MILR1: variants seen among roughly 807,000 people sequenced by gnomAD.
MILR1 encodes the protein mast cell immunoglobulin like receptor 1.
In MILR1, 31 loss-of-function variants were observed where a neutral mutation model predicts 18.5. The ratio of observed to expected loss-of-function variants is 1.68; its 90% CI spans 1.26 to 2.26. The LOEUF is 2.26. MILR1 is among the 30% of genes most tolerant of loss of function. The pLI, the probability that MILR1 is intolerant of heterozygous loss-of-function variation, is 0.00. For synonymous variants in MILR1, 85 were observed against 56.2 expected, an observed-to-expected ratio of 1.51 and a Z score of -2.30; for missense variants, 257 against 157.4, an observed-to-expected ratio of 1.63 and a Z score of -3.38.
intron 5 of MILR1, 138 bp downstream of exon 5, chr17:64,461,070 A>G (rs2037421078): frequency 5.4e-6 from 2 of 368,234 alleles, no homozygotes; most frequent in African/African-American, 2.1e-5. Flanking sequence ...AAAACATGAG[A>G]AAGGGGGGCG....
At position 64,458,112 on chromosome 17, in the gene MILR1, T is replaced by TTTCCTTCC. The variant is rs1216586374; in HGVS notation, c.652+444_652+451dup. ...CATTTGTATGTCTGCCTTTCTTTCT[T>TTTCCTTCC]TTCCTTCCTTCCTTCCTTCCTTCTT... On this transcript the variant is annotated intron_variant, in intron 4 of 9. Coordinates refer to ENST00000619286, the MANE Select transcript of MILR1 (RefSeq NM_001085423.2). Among the ~76,000 whole-genome samples the TTTCCTTCC allele has an allele frequency of 5.1e-3, 774 of 150,956 alleles. 5 individuals carry two copies. The highest frequency in any genetic ancestry group is 0.018 in the African/African-American group (721 of 40,428).
chr17:64,465,661 T>C lies in MILR1; in HGVS notation c.853+120T>C, dbSNP rs559014374. The C allele has an allele frequency of 3.3e-3, 3,180 of 976,660 alleles. 12 individuals are homozygous for C. The highest frequency in any genetic ancestry group is 4.3e-3 in the Non-Finnish European group (2,825 of 655,520). The allele number at this position is 976,660 out of a possible 1,614,324, so 60.5% of individuals were successfully genotyped here. A position where few individuals can be genotyped will look rare whatever the true frequency, so the allele number is the denominator to read the frequency against. ...CAAAAGGGATAGAGTTCAATGTCTA[T>C]TGATGCCCAGTCCCACTTTCTAGGG... On this transcript the variant is annotated intron_variant, in intron 6 of 9. Coordinates refer to ENST00000619286, the MANE Select transcript of MILR1 (RefSeq NM_001085423.2).
chr17:64,485,772 G>C, the MILR1 span: 12 of 1,612,736 alleles, frequency 7.4e-6, no homozygotes, highest in Non-Finnish European at 9.3e-6. Context: ...TTCTCTGTCA[G>C]CTGGAAAGAA....
the MILR1 span, among the ~76,000 whole-genome samples, chr17:64,475,808 C>CT: frequency 0.016 from 1,615 of 102,500 alleles, 21 homozygotes; most frequent in Non-Finnish European, 0.022. Flanking sequence ...CTACCACTTC[C>CT]TTTTTTTTTT....
chr17:64,453,023 T>A (rs906691822), intron 3 of MILR1, among the ~76,000 whole-genome samples, 157 bp downstream of exon 3: 2 of 152,014 alleles, frequency 1.3e-5, no homozygotes, highest in African/African-American at 2.4e-5. Context: ...TTTTTAGACC[T>A]GGTCAACAGG....
the MILR1 span, chr17:64,480,374 A>G: frequency 7.7e-6 from 12 of 1,567,500 alleles, no homozygotes; most frequent in South Asian, 2.2e-5. Context: ...AACTCATTAA[A>G]TAGCCCTTGA....
At chr17:64,456,007 C>T (rs2037292019) in intron 3 of MILR1, among the ~76,000 whole-genome samples, 2 of 152,086 alleles carry the variant, frequency 1.3e-5, no homozygotes, top group African/African-American at 2.4e-5. Flanking sequence ...TGGCACTGCA[C>T]TCCAGGTTGG....
At chr17:64,480,761 G>T in the MILR1 span, among the ~76,000 whole-genome samples, 2 of 152,134 alleles carry the variant, frequency 1.3e-5, no homozygotes, top group African/African-American at 4.8e-5. Flanking sequence ...CATCTGAGAG[G>T]TGAGACCTGA....
At chr17:64,472,665 T>G (rs1228349251), downstream of MILR1, among the ~76,000 whole-genome samples, 2 of 152,014 alleles carry the variant, frequency 1.3e-5, no homozygotes, top group African/African-American at 4.8e-5. Context: ...GTGCTACAAT[T>G]GCCTAGTGTT....
intron 3 of MILR1, among the ~76,000 whole-genome samples, chr17:64,454,269 G>C (rs1251043781): frequency 6.6e-6 from 1 of 152,074 alleles, no homozygotes; most frequent in Non-Finnish European, 1.5e-5. Flanking sequence ...CCAGGCTGGA[G>C]TGCAGAGGCT....
chr17:64,454,209 G>A (rs11650911), intron 3 of MILR1, among the ~76,000 whole-genome samples: 47,084 of 150,902 alleles, frequency 0.31, 8,563 homozygotes, highest in Middle Eastern at 0.57. Context: ...GATTACAGGC[G>A]TGTGCCACTG....
intron 4 of MILR1, among the ~76,000 whole-genome samples, chr17:64,459,946 T>G (rs2037385176): frequency 6.6e-6 from 1 of 151,988 alleles, no homozygotes; most frequent in Non-Finnish European, 1.5e-5. Context: ...GTGGAAGATG[T>G]GCTTGGTCAT....
At chr17:64,483,017 G>A in the MILR1 span, 1 of 1,376,972 alleles carries the variant, frequency 7.3e-7, no homozygotes, top group Non-Finnish European at 1.0e-6. Context: ...AATTAAATGG[G>A]GGAGGGAGAA....
Position 64,449,310 on chromosome 17 carries a change from T to G in MILR1, c.56-4T>G, listed in dbSNP as rs1164759279. On this transcript the variant is annotated splice_region_variant and splice_polypyrimidine_tract_variant and intron_variant, in intron 1 of 9. Transcript: ENST00000619286. ...AGCTTTATCGTGTTCCTTTTCTGTT[T>G]CAGGTAGAAAAGCTGTATTGGATTG... is the stretch of plus-strand genomic sequence containing the variant. 1 of 473,722 alleles carries G rather than the reference T, an allele frequency of 2.1e-6. No homozygotes were observed. The highest frequency in any genetic ancestry group is 2.0e-5 in the African/African-American group (1 of 50,494). The allele number at this position is 473,722 out of a possible 1,614,324, so 29.3% of individuals were successfully genotyped here. A position where few individuals can be genotyped will look rare whatever the true frequency, so the allele number is the denominator to read the frequency against.
At chr17:64,484,006 A>C in the MILR1 span, 1 of 152,282 alleles carries the variant, frequency 6.6e-6, no homozygotes, top group Non-Finnish European at 1.5e-5. Context: ...TGAGCCATTC[A>C]GCCCAGCCTT....
chr17:64,493,110 G>T, the MILR1 span: 1 of 1,340,748 alleles, frequency 7.5e-7, no homozygotes, highest in Non-Finnish European at 1.1e-6. Flanking sequence ...TAGTAATAAC[G>T]TTAACACAGC....
intron 2 of MILR1, among the ~76,000 whole-genome samples, 173 bp downstream of exon 2, chr17:64,449,528 G>A (rs1305914526): frequency 6.6e-6 from 1 of 152,176 alleles, no homozygotes; most frequent in African/African-American, 2.4e-5. Context: ...GGAGGGGATT[G>A]CAGCATTTTT....
At chr17:64,477,106 T>TGC in the MILR1 span, among the ~76,000 whole-genome samples, 1 of 152,214 alleles carries the variant, frequency 6.6e-6, no homozygotes. Context: ...TTTAAAAGTT[T>TGC]AGTTTTAGGT....
chr17:64,481,718 C>T, the MILR1 span, among the ~76,000 whole-genome samples: 1 of 151,752 alleles, frequency 6.6e-6, no homozygotes, highest in East Asian at 1.9e-4. Context: ...ACTAAAAATA[C>T]TAAAAAATTA....
Sources: allele counts gnomAD v4.1 joint callset (sites outside exome capture counted in the v4.1 genomes callset), GRCh38; gene constraint gnomAD v4.1.1; transcripts MANE v1.5; gene names NCBI Gene and HGNC (gene_info 2026-07-23, HGNC 2026-07-21).